EMID1: variants seen among roughly 807,000 people sequenced by gnomAD.
EMID1 encodes the protein EMI domain containing 1, also known as EMI domain-containing protein 1.
Under a neutral mutation model 60.6 loss-of-function variants are expected in EMID1, and 40 were observed. The observed-to-expected ratio is 0.66, with a 90% CI of 0.51 to 0.86. The LOEUF is 0.86. EMID1 is among the 40% of genes least tolerant of loss of function. The probability of loss-of-function intolerance (pLI) is 0.00; values close to 1 mark genes in which losing one functional copy is unlikely to be tolerated. For synonymous variants in EMID1, 242 were observed against 231.0 expected (o/e 1.05, Z -0.43); for missense variants, 585 against 597.1 (o/e 0.98, Z 0.21).
chr22:29,233,139 G>A, intron 8 of EMID1: 1 of 568,002 alleles, frequency 1.8e-6, no homozygotes, highest in Non-Finnish European at 3.2e-6. Flanking sequence ...AAAGTAGAAA[G>A]TGTTGCTGGA....
intron 4 of EMID1, 88 bp from the exon 5 acceptor site, chr22:29,226,402 T>G: frequency 6.9e-7 from 1 of 1,448,016 alleles, no homozygotes; most frequent in Non-Finnish European, 9.4e-7. Flanking sequence ...TCTGACGCTT[T>G]CCTCCATCCC....
intron 4 of EMID1, among the ~76,000 whole-genome samples, chr22:29,225,875 C>G (rs537574234): frequency 3.9e-5 from 6 of 152,306 alleles, no homozygotes; most frequent in Non-Finnish European, 7.4e-5. Flanking sequence ...TGACTCATGT[C>G]ATTCTCGTGA....
At chr22:29,207,328 A>G (rs1381459336) in intron 1 of EMID1, among the ~76,000 whole-genome samples, 1 of 152,200 alleles carries the variant, frequency 6.6e-6, no homozygotes. Context: ...CGGCTCCGTT[A>G]CCTGCATTCA....
In EMID1 at chr22:29,234,701, G is replaced by A. The variant is rs543926581; in HGVS notation, c.1074+352G>A. Among the ~76,000 whole-genome samples, 4 of 152,234 alleles carry A rather than the reference G, an allele frequency of 2.6e-5. No individual in the cohort carries two copies. The South Asian group carries it at 8.3e-4, about 32-fold the overall frequency. The stretch of plus-strand genomic sequence containing the variant: ...GTATTTTGAGTCTTTGTTATTAGGT[G>A]CATTCACATTTAGTATTTTAATGTC... On this transcript the variant is annotated intron_variant, in intron 12 of 14. Transcript: ENST00000334018.
chr22:29,246,463 G>C (rs6006078), intron 13 of EMID1, among the ~76,000 whole-genome samples: 1,734 of 152,158 alleles, frequency 0.011, 27 homozygotes, highest in African/African-American at 0.04. Flanking sequence ...GTGAGAGACT[G>C]AGCCGGGCAG....
chr22:29,240,112 C>T (rs1445492317), intron 12 of EMID1, among the ~76,000 whole-genome samples: 1 of 152,208 alleles, frequency 6.6e-6, no homozygotes, highest in Admixed American at 6.5e-5. Flanking sequence ...TGCACCTGGC[C>T]TAGGTCTCAG....
At chr22:29,211,477 CTGTGTGCCTG>C (rs2039879099) in intron 1 of EMID1, among the ~76,000 whole-genome samples, 2 of 151,728 alleles carry the variant, frequency 1.3e-5, no homozygotes, top group South Asian at 2.1e-4. Flanking sequence ...CGTATTTGCC[CTGTGTGCCTG>C]TGTGTGCATG....
At chr22:29,255,046 G>A (rs555283323) in intron 14 of EMID1, among the ~76,000 whole-genome samples, 1 of 152,002 alleles carries the variant, frequency 6.6e-6, no homozygotes, top group Admixed American at 6.5e-5. Context: ...CTCACCCCAG[G>A]CATTCATTCA....
intron 3 of EMID1, among the ~76,000 whole-genome samples, chr22:29,220,307 T>C (rs1198211390): frequency 6.6e-6 from 1 of 152,042 alleles, no homozygotes; most frequent in Non-Finnish European, 1.5e-5. Flanking sequence ...ATAAAGTGAG[T>C]GCACAGGAAT....
At chr22:29,249,429 T>G (rs1373998392) in intron 13 of EMID1, among the ~76,000 whole-genome samples, 4 of 151,842 alleles carry the variant, frequency 2.6e-5, no homozygotes, top group Non-Finnish European at 5.9e-5. Context: ...CACACCACCA[T>G]GCCTGGCTAA....
intron 14 of EMID1, among the ~76,000 whole-genome samples, chr22:29,256,829 C>T (rs959384925): frequency 1.3e-5 from 2 of 152,060 alleles, no homozygotes; most frequent in African/African-American, 2.4e-5. Flanking sequence ...TGAGAGAGTC[C>T]TGCCTGTGCA....
chr22:29,210,258 T>A (rs1175902709), intron 1 of EMID1, among the ~76,000 whole-genome samples: 1 of 151,556 alleles, frequency 6.6e-6, no homozygotes, highest in Non-Finnish European at 1.5e-5. Context: ...AAATTTTTTT[T>A]TTTTTTTTTT....
chr22:29,253,956 A>C (rs2041612904), intron 13 of EMID1: 1 of 985,312 alleles, frequency 1.0e-6, no homozygotes. Flanking sequence ...GCCTTGTCAG[A>C]GAGCAGCCAG....
At chr22:29,249,667 G>T (rs5763102) in intron 13 of EMID1, among the ~76,000 whole-genome samples, 87,902 of 151,438 alleles carry the variant, frequency 0.58, 25,764 homozygotes, top group Middle Eastern at 0.66. Context: ...CAGGCTGGAG[G>T]GCAATGGTGC....
Position 29,254,128 on chromosome 22 carries a change from A to G in EMID1, c.1120-75A>G, listed in dbSNP as rs1364798126. On this transcript the variant is annotated intron_variant, in intron 13 of 14. Transcript: ENST00000334018. ...TGCAGGTGCATGTCCCGGGTGGGGC[A>G]TGGGCCACCGACGGGCTTTGCAGGG... is the stretch of plus-strand genomic sequence containing the variant. 6.9e-5 allele frequency: 110 copies of G among 1,604,528 alleles called. No individual in the cohort carries two copies. In the East Asian group the frequency reaches 1.8e-3, roughly 26 times the overall value.
In EMID1 at chr22:29,231,107, G is replaced by T. The variant is rs2040723665; in HGVS notation, c.553G>T (p.Ala185Ser). 3 of 1,610,632 alleles carry T rather than the reference G, an allele frequency of 1.9e-6. No individual in the cohort carries two copies. Among genetic ancestry groups the T allele is most frequent in the African/African-American group, 1.3e-5 (1 of 74,782 alleles). Residue 185 changes from alanine (A) to serine (S), a missense_variant, in exon 6 of 15, where the codon GCC becomes TCC. Physicochemically the swap from Ala to Ser is moderately conservative, Grantham distance 99. Coordinates refer to ENST00000334018, the MANE Select transcript of EMID1 (RefSeq NM_133455.4). ...TGCCCCGCTCTGGGGTCCCCCTCCT[G>T]CCCAGGGCAGCCCCGGAGATGGAGG... ...DPAPLWGPPP[A>S]QGSPGDGGLQ...
At chr22:29,255,592 G>T (rs938214726) in intron 14 of EMID1, 9 of 400,310 alleles carry the variant, frequency 2.2e-5, no homozygotes, top group African/African-American at 1.8e-4. Context: ...CACAAGATAA[G>T]ACAGACACAG....
chr22:29,239,448 T>A (rs930097661), intron 12 of EMID1, among the ~76,000 whole-genome samples: 2 of 152,136 alleles, frequency 1.3e-5, no homozygotes, highest in Admixed American at 1.3e-4. Flanking sequence ...AGAATTTCCA[T>A]CTCTCTGCTT....
intron 3 of EMID1, among the ~76,000 whole-genome samples, chr22:29,217,782 G>A (rs2040141010): frequency 6.6e-6 from 1 of 152,200 alleles, no homozygotes; most frequent in Non-Finnish European, 1.5e-5. Flanking sequence ...GGAGCAGAGA[G>A]GCATAGGGAC....
Sources: gnomAD v4.1 joint callset for allele counts (sites outside exome capture counted in the v4.1 genomes callset) on GRCh38, gnomAD v4.1.1 for gene constraint, MANE v1.5 for transcripts, NCBI Gene and HGNC (gene_info 2026-07-23, HGNC 2026-07-21) for gene names.